Variants in EEPD1 observed in about 807,000 individuals in gnomAD.
The protein encoded by EEPD1 is endonuclease/exonuclease/phosphatase family domain-containing protein 1.
A neutral mutation model predicts 46.3 loss-of-function variants in EEPD1; 17 were observed. The ratio of observed to expected loss-of-function variants is 0.37; its 90% CI spans 0.25 to 0.55. The LOEUF (loss-of-function observed/expected upper bound fraction) is 0.55, where lower values mean the gene tolerates loss of function less well. EEPD1 is among the 20% of genes least tolerant of loss of function. EEPD1 has a pLI of 0.83. For synonymous variants in EEPD1, 313 were observed against 315.6 expected (o/e 0.99, Z 0.09); for missense variants, 673 against 745.6 (o/e 0.90, Z 1.13).
chr7:36,260,054 C>T (rs1786897077), intron 3 of EEPD1, among the ~76,000 whole-genome samples: 1 of 152,160 alleles, frequency 6.6e-6, no homozygotes, highest in South Asian at 2.1e-4. Flanking sequence ...CCCAGCAATA[C>T]AGTCATATAC....
intron 2 of EEPD1, among the ~76,000 whole-genome samples, chr7:36,177,599 AT>A (rs1189040393): frequency 4.6e-5 from 7 of 152,064 alleles, no homozygotes; most frequent in African/African-American, 1.7e-4. Context: ...ACATGATTTC[AT>A]TTTTTTTATG....
At chr7:36,232,238 T>A (rs977628188) in intron 2 of EEPD1, among the ~76,000 whole-genome samples, 1 of 151,104 alleles carries the variant, frequency 6.6e-6, no homozygotes, top group Non-Finnish European at 1.5e-5. Flanking sequence ...GGAGTCTCAC[T>A]CTGTCACCTA....
At chr7:36,296,438 C>G (rs1052281279) in intron 6 of EEPD1, among the ~76,000 whole-genome samples, 1 of 152,114 alleles carries the variant, frequency 6.6e-6, no homozygotes, top group Non-Finnish European at 1.5e-5. Flanking sequence ...CCATGTTGAC[C>G]CAAGCACTTC....
intron 2 of EEPD1, among the ~76,000 whole-genome samples, chr7:36,157,854 A>G (rs1784848791): frequency 2.0e-5 from 3 of 151,836 alleles, no homozygotes; most frequent in African/African-American, 7.3e-5. Flanking sequence ...TGATAGCAGC[A>G]CCCATTCTCC....
intron 5 of EEPD1, among the ~76,000 whole-genome samples, chr7:36,285,159 A>T (rs1562712672): frequency 6.6e-6 from 1 of 152,110 alleles, no homozygotes; most frequent in Non-Finnish European, 1.5e-5. Context: ...CCCACCTCAG[A>T]CATACAGAAT....
At chr7:36,296,407 C>G (rs1787524438) in intron 6 of EEPD1, among the ~76,000 whole-genome samples, 1 of 152,190 alleles carries the variant, frequency 6.6e-6, no homozygotes, top group Admixed American at 6.5e-5. Flanking sequence ...GCTCCCTGGC[C>G]TTGCATAGGT....
chr7:36,230,736 G>A (rs1786309747), intron 2 of EEPD1: 1 of 152,196 alleles, frequency 6.6e-6, no homozygotes, highest in Non-Finnish European at 1.5e-5. Context: ...CACTTACCTG[G>A]TTCCTCCATT....
At chr7:36,266,579 C>G (rs989839409) in intron 3 of EEPD1, among the ~76,000 whole-genome samples, 1 of 152,190 alleles carries the variant, frequency 6.6e-6, no homozygotes, top group Non-Finnish European at 1.5e-5. Flanking sequence ...ATGTATAATT[C>G]ACATAACATA....
At chr7:36,197,632 T>C (rs1198613735) in intron 2 of EEPD1, among the ~76,000 whole-genome samples, 1 of 152,194 alleles carries the variant, frequency 6.6e-6, no homozygotes, top group Non-Finnish European at 1.5e-5. Flanking sequence ...CTGTGCTCTC[T>C]GAAACATGTG....
At chr7:36,168,039 T>C (rs1338858664) in intron 2 of EEPD1, among the ~76,000 whole-genome samples, 1 of 152,174 alleles carries the variant, frequency 6.6e-6, no homozygotes, top group African/African-American at 2.4e-5. Flanking sequence ...GCACGCCAGC[T>C]ACGGGCTCCC....
intron 6 of EEPD1, among the ~76,000 whole-genome samples, chr7:36,289,092 T>C (rs1256863050): frequency 6.6e-6 from 1 of 152,256 alleles, no homozygotes; most frequent in African/African-American, 2.4e-5. Flanking sequence ...GGCTCACATT[T>C]CAAAAGATGT....
chr7:36,173,896 G>A (rs370537292), intron 2 of EEPD1, among the ~76,000 whole-genome samples: 10 of 152,204 alleles, frequency 6.6e-5, no homozygotes, highest in Non-Finnish European at 1.3e-4. Flanking sequence ...CAAATGCAGA[G>A]ATTCACTTTC....
chr7:36,255,288 T>G (rs1489784239), intron 3 of EEPD1, among the ~76,000 whole-genome samples: 1 of 152,238 alleles, frequency 6.6e-6, no homozygotes, highest in Non-Finnish European at 1.5e-5. Context: ...ACTTAAGTCT[T>G]TAATCCATCT....
chr7:36,241,649 T>A (rs536557295), intron 3 of EEPD1, among the ~76,000 whole-genome samples: 1 of 148,546 alleles, frequency 6.7e-6, no homozygotes, highest in South Asian at 2.2e-4. Context: ...GGTGGATCAT[T>A]TGAGGTCAGG....
intron 3 of EEPD1, among the ~76,000 whole-genome samples, chr7:36,279,855 C>G (rs982618034): frequency 1.3e-5 from 2 of 152,218 alleles, no homozygotes; most frequent in African/African-American, 4.8e-5. Flanking sequence ...AGAGGTGCAT[C>G]AGCATGGCCA....
chr7:36,280,911 G>A (rs996772663), intron 3 of EEPD1, among the ~76,000 whole-genome samples: 1 of 152,206 alleles, frequency 6.6e-6, no homozygotes, highest in Non-Finnish European at 1.5e-5. Flanking sequence ...TCACACACAG[G>A]CAGTTTTCTT....
At chr7:36,196,877 T>C (rs1785606420) in intron 2 of EEPD1, among the ~76,000 whole-genome samples, 1 of 149,954 alleles carries the variant, frequency 6.7e-6, no homozygotes, top group South Asian at 2.1e-4. Flanking sequence ...CCGCCCATCG[T>C]CTGGGATGTG....
chr7:36,256,516 G>T (rs1786830217), intron 3 of EEPD1, among the ~76,000 whole-genome samples: 2 of 152,196 alleles, frequency 1.3e-5, no homozygotes, highest in South Asian at 4.1e-4. Context: ...CGTATTGGGT[G>T]CATATATATT....
At chr7:36,279,626 C>T (rs1787231495) in intron 3 of EEPD1, among the ~76,000 whole-genome samples, 1 of 152,198 alleles carries the variant, frequency 6.6e-6, no homozygotes, top group Non-Finnish European at 1.5e-5. Context: ...GGTGGCTGCT[C>T]ACACACCGCC....
Sources: allele counts gnomAD v4.1 joint callset (sites outside exome capture counted in the v4.1 genomes callset), GRCh38; gene constraint gnomAD v4.1.1; transcripts MANE v1.5; gene names NCBI Gene and HGNC (gene_info 2026-07-23, HGNC 2026-07-21).